Variants in TRANK1 observed in about 807,000 individuals in gnomAD.
TRANK1 encodes the protein tetratricopeptide repeat and ankyrin repeat containing 1.
TRANK1 carries 198 observed loss-of-function variants against 266.0 expected under a neutral mutation model. The ratio of observed to expected loss-of-function variants is 0.74; its 90% CI spans 0.66 to 0.84. The LOEUF (loss-of-function observed/expected upper bound fraction) is 0.84. TRANK1 is among the 40% of genes least tolerant of loss of function. The probability of loss-of-function intolerance (pLI) is 0.00; values close to 1 mark genes in which losing one functional copy is unlikely to be tolerated. For missense variants in TRANK1, 3,326 were observed against 3,634.6 expected (o/e 0.92, Z 2.18); for synonymous variants, 1,396 against 1,384.1 (o/e 1.01, Z -0.19).
intron 11 of TRANK1, among the ~76,000 whole-genome samples, chr3:36,859,288 A>G (rs912871762): frequency 1.6e-4 from 24 of 147,608 alleles, no homozygotes; most frequent in African/African-American, 5.8e-4. Flanking sequence ...TTTTTTTAAT[A>G]CTTTAAGTTC....
chr3:36,829,648 T>C lies in TRANK1; in HGVS notation c.8725A>G (p.Thr2909Ala). 1 of 1,613,788 alleles carries C rather than the reference T, an allele frequency of 6.2e-7. No individual in the cohort carries two copies. Among genetic ancestry groups the C allele is most frequent in the African/African-American group, 1.3e-5 (1 of 75,004 alleles). Residue 2909 changes from threonine to alanine, a missense_variant, in exon 23 of 24, where the codon ACT becomes GCT. By Grantham distance (58) the Thr-to-Ala change is moderately conservative. Coordinates refer to ENST00000645898, the MANE Select transcript of TRANK1 (RefSeq NM_001329998.2). Reference protein sequence around the residue: ...KAWAGAEEAMTRLVNILILSV... With the variant: ...KAWAGAEEAMARLVNILILSV... ...AGGATCAGAATGTTGACCAGCCGAG[T>C]CATCGCCTCCTCCGCTTCAGAAACC...
At chr3:36,844,783 G>A (rs562295604) in intron 17 of TRANK1, among the ~76,000 whole-genome samples, 13 of 152,006 alleles carry the variant, frequency 8.6e-5, no homozygotes, top group African/African-American at 2.9e-4. Context: ...AATCCTAGTC[G>A]CCAACCGAGC....
intron 12 of TRANK1, among the ~76,000 whole-genome samples, 198 bp from the exon 13 acceptor site, chr3:36,858,247 G>C (rs1575213798): frequency 6.6e-6 from 1 of 152,260 alleles, no homozygotes; most frequent in South Asian, 2.1e-4. Context: ...GCAATGTATA[G>C]AGACATTTTT....
chr3:36,857,069 T>A lies in TRANK1; in HGVS notation c.2653A>T (p.Ser885Cys). 6.2e-7 allele frequency: 1 copy of A among 1,614,044 alleles called. No individual in the cohort carries two copies. The highest frequency in any genetic ancestry group is 2.2e-5 in the East Asian group (1 of 44,886). ...AGCTTAGCTTCGAAGAGCTGGATGC[T>A]TCCTTTCAGGTGCTTCAGTCGCTTC... ...LQKRLKHLKG[S>C]IQLFEAKLDK... Residue 885 changes from serine to cysteine, a missense_variant, in exon 13 of 24, where the codon AGC becomes TGC. Physicochemically the swap from Ser to Cys is moderately radical, Grantham distance 112. Coordinates refer to ENST00000645898, the MANE Select transcript of TRANK1 (RefSeq NM_001329998.2). The surrounding 1 kb of genome is among the most constrained non-coding windows in gnomAD (Gnocchi z 4.3).
chr3:36,832,700 G>T lies in TRANK1; in HGVS notation c.6883C>A (p.Pro2295Thr), dbSNP rs767266629. The stretch of plus-strand genomic sequence containing the variant: ...TAGAACCGGAAGGATTTGTAATTTG[G>T]TTTGAGGATTTCTTTGCATGCCATG... The part of the protein sequence containing the change: ...NPMACKEILK[P>T]NYKSFRFYRF... The change falls in exon 22 of 24, where the codon CCA becomes ACA. Residue 2295 changes from proline to threonine, a missense_variant. Physicochemically the swap from Pro to Thr is conservative, Grantham distance 38. Coordinates refer to ENST00000645898, the MANE Select transcript of TRANK1 (RefSeq NM_001329998.2). The T allele has an allele frequency of 1.2e-6, 2 of 1,613,888 alleles. No individual in the cohort carries two copies. Among genetic ancestry groups the T allele is most frequent in the South Asian group, 1.1e-5 (1 of 91,086 alleles).
chr3:36,888,037 G>C (rs1055438696), intron 8 of TRANK1, among the ~76,000 whole-genome samples: 1 of 152,088 alleles, frequency 6.6e-6, no homozygotes, highest in African/African-American at 2.4e-5. Flanking sequence ...CAAATGCCCT[G>C]TACACAAATA....
At chr3:36,898,626 C>A (rs1364425268) in intron 4 of TRANK1, among the ~76,000 whole-genome samples, 4 of 152,018 alleles carry the variant, frequency 2.6e-5, no homozygotes, top group African/African-American at 9.7e-5. Flanking sequence ...CCAAGGCGGG[C>A]GGATCACGAG....
intron 1 of TRANK1, among the ~76,000 whole-genome samples, chr3:36,911,854 C>T (rs1451898551): frequency 2.0e-5 from 3 of 152,136 alleles, no homozygotes; most frequent in South Asian, 2.1e-4. Flanking sequence ...CTGCTAAGTA[C>T]CTACTATGTG....
intron 1 of TRANK1, among the ~76,000 whole-genome samples, chr3:36,925,299 C>T (rs2080272314): frequency 6.6e-6 from 1 of 152,146 alleles, no homozygotes; most frequent in Admixed American, 6.6e-5. Flanking sequence ...AATGGGCAAA[C>T]TACAATAAGA....
chr3:36,901,335 T>C (rs1348987166), intron 3 of TRANK1, among the ~76,000 whole-genome samples: 1 of 152,140 alleles, frequency 6.6e-6, no homozygotes, highest in African/African-American at 2.4e-5. Context: ...AAGAGAGAAA[T>C]TGAGCACCAA....
At chr3:36,939,000 T>A (rs1430966237) in intron 1 of TRANK1, among the ~76,000 whole-genome samples, 1 of 150,972 alleles carries the variant, frequency 6.6e-6, no homozygotes, top group Admixed American at 6.6e-5. Context: ...AGTCGGGTGT[T>A]GTGACACATG....
intron 4 of TRANK1, among the ~76,000 whole-genome samples, chr3:36,896,283 G>A (rs1397155481): frequency 6.6e-6 from 1 of 152,078 alleles, no homozygotes; most frequent in Admixed American, 6.6e-5. Context: ...TGACCTGGTG[G>A]CCCATCGACC....
intron 8 of TRANK1, among the ~76,000 whole-genome samples, chr3:36,877,868 A>C (rs2079412366): frequency 6.6e-6 from 1 of 152,250 alleles, no homozygotes; most frequent in Non-Finnish European, 1.5e-5. Context: ...CAGTATTTTA[A>C]ATAATAAACA....
intron 1 of TRANK1, among the ~76,000 whole-genome samples, chr3:36,938,346 G>A (rs1369032096): frequency 6.6e-6 from 1 of 152,094 alleles, no homozygotes; most frequent in East Asian, 1.9e-4. Context: ...AGCCTCCTGA[G>A]TAGCTGGGAT....
chr3:36,898,918 T>C (rs1245985792), intron 4 of TRANK1, among the ~76,000 whole-genome samples, 191 bp downstream of exon 4: 1 of 151,946 alleles, frequency 6.6e-6, no homozygotes, highest in Non-Finnish European at 1.5e-5. Context: ...AAGGACTTCA[T>C]TGTTTTCACA....
chr3:36,859,849 TA>T (rs1339031119), intron 11 of TRANK1, among the ~76,000 whole-genome samples: 1 of 152,106 alleles, frequency 6.6e-6, no homozygotes, highest in Non-Finnish European at 1.5e-5. Flanking sequence ...GGAAGGAGTT[TA>T]AAAAAATAAA....
chr3:36,908,707 G>A, intron 1 of TRANK1: 5 of 884,164 alleles, frequency 5.7e-6, no homozygotes, highest in Non-Finnish European at 6.8e-6. Context: ...TAATGATCTG[G>A]AGGAGGCTGC....
At chr3:36,913,472 T>G (rs2080082464) in intron 1 of TRANK1, among the ~76,000 whole-genome samples, 1 of 151,660 alleles carries the variant, frequency 6.6e-6, no homozygotes, top group Non-Finnish European at 1.5e-5. Context: ...TCTCCTCTCC[T>G]CTCCTCTCCT....
chr3:36,925,486 TA>T (rs1212564757), intron 1 of TRANK1, among the ~76,000 whole-genome samples: 1 of 152,040 alleles, frequency 6.6e-6, no homozygotes, highest in Non-Finnish European at 1.5e-5. Flanking sequence ...GAAACTCATT[TA>T]AAGTTAAAGA....
Sources: gnomAD v4.1 joint callset for allele counts (sites outside exome capture counted in the v4.1 genomes callset) on GRCh38, gnomAD v4.1.1 for gene constraint, Gnocchi (gnomAD v3.1) non-coding constraint, MANE v1.5 for transcripts, NCBI Gene and HGNC (gene_info 2026-07-23, HGNC 2026-07-21) for gene names.